The following SLC10A7 variants were observed in gnomAD, a reference collection of about 807,000 sequenced individuals.
SLC10A7 encodes solute carrier family 10 member 7.
SLC10A7 carries 29 observed loss-of-function variants against 43.2 expected under a neutral mutation model. The observed-to-expected ratio is 0.67, with a 90% CI of 0.50 to 0.92. SLC10A7 has a LOEUF of 0.92. Ranked by LOEUF, SLC10A7 falls within the 40% of genes least tolerant of loss-of-function variation. The pLI, the probability that SLC10A7 is intolerant of heterozygous loss-of-function variation, is 0.00. For synonymous variants in SLC10A7, 152 were observed against 144.8 expected (o/e 1.05, Z -0.35); for missense variants, 295 against 403.2 (o/e 0.73, Z 2.30).
chr4:146,279,639 A>G (rs955657055), intron 10 of SLC10A7, among the ~76,000 whole-genome samples: 1 of 152,204 alleles, frequency 6.6e-6, no homozygotes, highest in Non-Finnish European at 1.5e-5. Context: ...ATAGGAGAGC[A>G]GCAAACAAGC....
chr4:146,465,125 A>G (rs72729894), intron 4 of SLC10A7, among the ~76,000 whole-genome samples: 4 of 152,220 alleles, frequency 2.6e-5, no homozygotes, highest in Admixed American at 2.6e-4. Context: ...AAAGTATCAG[A>G]CAGCCACTGT....
intron 5 of SLC10A7, among the ~76,000 whole-genome samples, chr4:146,433,050 G>C (rs1320194893): frequency 6.7e-6 from 1 of 149,286 alleles, no homozygotes; most frequent in South Asian, 2.1e-4. Context: ...AAAAAAATCT[G>C]AATTTGTCAA....
chr4:146,304,561 A>T (rs1011732988), intron 7 of SLC10A7, among the ~76,000 whole-genome samples: 5 of 152,170 alleles, frequency 3.3e-5, no homozygotes, highest in South Asian at 2.1e-4. Flanking sequence ...TGAGCGGTTT[A>T]GAGTGAGATT....
At chr4:146,491,732 GAAGGAAGGA>G (rs1365382957) in intron 4 of SLC10A7, among the ~76,000 whole-genome samples, 2 of 137,942 alleles carry the variant, frequency 1.4e-5, no homozygotes, top group Non-Finnish European at 3.2e-5. Context: ...AGGAAGGAAG[GAAGGAAGGA>G]AGGAAATAAA....
At chr4:146,291,318 C>A (rs1487346137) in intron 9 of SLC10A7, among the ~76,000 whole-genome samples, 2 of 152,206 alleles carry the variant, frequency 1.3e-5, no homozygotes, top group Non-Finnish European at 2.9e-5. Flanking sequence ...TGGCTCCAGG[C>A]TTTACTCTTA....
At chr4:146,457,395 ACTC>A (rs1172189728) in intron 4 of SLC10A7, among the ~76,000 whole-genome samples, 2 of 151,826 alleles carry the variant, frequency 1.3e-5, no homozygotes, top group East Asian at 3.9e-4. Flanking sequence ...ACCCAATTAT[ACTC>A]CTTAGTTATT....
intron 4 of SLC10A7, among the ~76,000 whole-genome samples, chr4:146,454,207 A>G (rs1290115428): frequency 1.3e-5 from 2 of 151,942 alleles, no homozygotes; most frequent in African/African-American, 4.8e-5. Context: ...TATTAGCAAG[A>G]AATATTTAAT....
At chr4:146,416,257 G>C (rs888981857) in intron 5 of SLC10A7, among the ~76,000 whole-genome samples, 2 of 152,198 alleles carry the variant, frequency 1.3e-5, no homozygotes, top group South Asian at 4.1e-4. Context: ...GTTAGCATGA[G>C]AGCCATGCCT....
At chr4:146,321,493 A>G (rs1282271058) in intron 6 of SLC10A7, among the ~76,000 whole-genome samples, 2 of 152,160 alleles carry the variant, frequency 1.3e-5, no homozygotes, top group Non-Finnish European at 2.9e-5. Context: ...AAACAAGACC[A>G]CATTCTGATA....
At chr4:146,335,899 A>T (rs559549477) in intron 5 of SLC10A7, among the ~76,000 whole-genome samples, 2 of 152,010 alleles carry the variant, frequency 1.3e-5, no homozygotes, top group Non-Finnish European at 2.9e-5. Context: ...TGAAATCTAG[A>T]TCCTCACTAG....
intron 4 of SLC10A7, among the ~76,000 whole-genome samples, chr4:146,450,295 G>A (rs1420028791): frequency 6.6e-6 from 1 of 152,120 alleles, no homozygotes; most frequent in Admixed American, 6.6e-5. Flanking sequence ...TTCTTACACA[G>A]CATTTACATC....
chr4:146,444,936 C>A (rs1169300167), intron 4 of SLC10A7, among the ~76,000 whole-genome samples: 2 of 152,078 alleles, frequency 1.3e-5, no homozygotes, highest in Non-Finnish European at 2.9e-5. Context: ...TATGAAAGAA[C>A]CATGATTTCC....
intron 5 of SLC10A7, among the ~76,000 whole-genome samples, chr4:146,329,927 A>C (rs1013662934): frequency 6.6e-6 from 1 of 152,200 alleles, no homozygotes; most frequent in South Asian, 2.1e-4. Flanking sequence ...GGATAAAACC[A>C]AAGTGGTAGG....
intron 5 of SLC10A7, among the ~76,000 whole-genome samples, chr4:146,353,965 TGAAAACTG>T (rs1174383289): frequency 1.4e-5 from 2 of 146,034 alleles, no homozygotes; most frequent in Non-Finnish European, 3.0e-5. Context: ...GCATTCCCTT[TGAAAACTG>T]GCACAAGACA....
intron 6 of SLC10A7, among the ~76,000 whole-genome samples, chr4:146,319,756 G>T (rs1313691087): frequency 6.6e-6 from 1 of 152,024 alleles, no homozygotes; most frequent in African/African-American, 2.4e-5. Flanking sequence ...ATTTTAAGAT[G>T]TGTAATATTA....
At chr4:146,359,565 T>A (rs557487832) in intron 5 of SLC10A7, among the ~76,000 whole-genome samples, 1 of 152,232 alleles carries the variant, frequency 6.6e-6, no homozygotes, top group East Asian at 1.9e-4. Flanking sequence ...AGAGGAAGTG[T>A]AAAGGGGTGT....
chr4:146,254,457 C>A lies in SLC10A7; in HGVS notation c.*2034G>T, dbSNP rs1328588826. 1 of 151,478 alleles carries A rather than the reference C, an allele frequency of 6.6e-6. No individual in the cohort carries two copies. Among genetic ancestry groups the A allele is most frequent in the Non-Finnish European group, 1.5e-5 (1 of 67,890 alleles). The allele number at this position is 151,478 out of a possible 1,614,324, so 9.4% of individuals were successfully genotyped here. A position where few individuals can be genotyped will look rare whatever the true frequency, so the allele number is the denominator to read the frequency against. On this transcript the variant is annotated 3_prime_UTR_variant, in exon 12 of 12. Transcript: ENST00000335472. Reference sequence around the variant, plus strand: ...TTTTTGTTCTTTATGAAAAAATATGCCAAGGAATTTGTGTAAAAAAAAGAA... The same window carrying A: ...TTTTTGTTCTTTATGAAAAAATATGACAAGGAATTTGTGTAAAAAAAAGAA...
intron 6 of SLC10A7, among the ~76,000 whole-genome samples, chr4:146,309,090 G>GT (rs1317299645): frequency 6.6e-6 from 1 of 152,034 alleles, no homozygotes; most frequent in African/African-American, 2.4e-5. Flanking sequence ...CTAGAATGTT[G>GT]TTTTCCCCAC....
intron 5 of SLC10A7, among the ~76,000 whole-genome samples, chr4:146,341,389 G>A (rs1734251854): frequency 6.6e-6 from 1 of 151,500 alleles, no homozygotes; most frequent in South Asian, 2.1e-4. Flanking sequence ...AACCAAAAAT[G>A]GCCATACACA....
Sources: gnomAD v4.1 joint callset for allele counts (sites outside exome capture counted in the v4.1 genomes callset) on GRCh38, gnomAD v4.1.1 for gene constraint, MANE v1.5 for transcripts, NCBI Gene and HGNC (gene_info 2026-07-23, HGNC 2026-07-21) for gene names.